Variants in DNAAF19 observed in about 807,000 individuals in gnomAD.
DNAAF19 encodes coiled-coil domain containing 103.
chr17:44,904,460 G>A, the DNAAF19 span: 1 of 1,544,356 alleles, frequency 6.5e-7, no homozygotes, highest in Admixed American at 2.0e-5. Flanking sequence ...CGTGCCCGAT[G>A]TGGTGTCTTG....
At chr17:44,903,131 T>C in the DNAAF19 span, 9 of 1,276,174 alleles carry the variant, frequency 7.1e-6, no homozygotes, top group Non-Finnish European at 8.9e-6. Flanking sequence ...AACCAAATGC[T>C]GGCTATACCA....
At chr17:44,903,489 T>A in the DNAAF19 span, 7 of 1,275,110 alleles carry the variant, frequency 5.5e-6, no homozygotes, top group Non-Finnish European at 6.9e-6. Context: ...GAGATCTCCC[T>A]GCCCGAGCAC....
the DNAAF19 span, chr17:44,903,159 T>G: frequency 7.9e-7 from 1 of 1,258,936 alleles, no homozygotes; most frequent in Non-Finnish European, 1.0e-6. Context: ...CCTCCACTCA[T>G]AAAAGGGAAA....
the DNAAF19 span, chr17:44,904,583 G>A: frequency 1.4e-5 from 22 of 1,550,584 alleles, no homozygotes; most frequent in Non-Finnish European, 6.1e-6. Flanking sequence ...CATCCGGGAG[G>A]GCGTGCTGGC....
chr17:44,901,459 T>G, the DNAAF19 span: 1 of 1,590,704 alleles, frequency 6.3e-7, no homozygotes, highest in Admixed American at 1.7e-5. Flanking sequence ...AAAGTCTAGC[T>G]GCCTCACACC....
the DNAAF19 span, chr17:44,902,321 A>C: frequency 6.2e-7 from 1 of 1,613,844 alleles, no homozygotes; most frequent in Non-Finnish European, 8.5e-7. Context: ...GTTGCAGAAC[A>C]GCTGGAAGAG....
the DNAAF19 span, chr17:44,905,000 G>C: frequency 6.4e-7 from 1 of 1,550,878 alleles, no homozygotes; most frequent in Admixed American, 2.0e-5. Context: ...CATCACAGCA[G>C]TCTTTGTCAC....
the DNAAF19 span, chr17:44,902,251 C>T: frequency 5.0e-6 from 7 of 1,410,986 alleles, no homozygotes; most frequent in Middle Eastern, 1.8e-4. Context: ...TCCCAGTGCT[C>T]AGACAGTAGT....
At chr17:44,904,457 G>T in the DNAAF19 span, 1 of 1,543,966 alleles carries the variant, frequency 6.5e-7, no homozygotes, top group South Asian at 1.2e-5. Context: ...GGCCGTGCCC[G>T]ATGTGGTGTC....
chr17:44,899,824 G>A, the DNAAF19 span: 14,449 of 152,588 alleles, frequency 0.095, 756 homozygotes, highest in Middle Eastern at 0.26. Context: ...GACTGCTGGG[G>A]TGAAGGTCCG....
At chr17:44,904,054 C>T in the DNAAF19 span, 4 of 1,550,686 alleles carry the variant, frequency 2.6e-6, no homozygotes, top group Admixed American at 7.8e-5. Flanking sequence ...GTAGCAGCCA[C>T]ACCAAAGTGC....
chr17:44,904,238 G>A, the DNAAF19 span: 1 of 1,550,440 alleles, frequency 6.4e-7, no homozygotes. Context: ...TTACGCCTAC[G>A]ATGTGGACAT....
At chr17:44,900,899 G>A in the DNAAF19 span, 1 of 1,283,384 alleles carries the variant, frequency 7.8e-7, no homozygotes, top group Non-Finnish European at 1.1e-6. Context: ...AGTGCTTTGG[G>A]GTCATTTTGT....
the DNAAF19 span, chr17:44,901,106 A>G: frequency 2.5e-6 from 4 of 1,607,746 alleles, no homozygotes; most frequent in African/African-American, 2.7e-5. Context: ...AGTTACGGGC[A>G]GTGGAACAGA....
the DNAAF19 span, chr17:44,901,669 C>A: frequency 6.2e-7 from 1 of 1,612,590 alleles, no homozygotes; most frequent in Non-Finnish European, 8.5e-7. Flanking sequence ...GAGGCCCTGC[C>A]CCTTTAGTCC....
At chr17:44,904,292 C>T in the DNAAF19 span, 1 of 1,548,794 alleles carries the variant, frequency 6.5e-7, no homozygotes, top group Non-Finnish European at 8.7e-7. Context: ...GGACAAGGGC[C>T]AGGAGCCCTT....
the DNAAF19 span, chr17:44,904,340 A>G: frequency 3.2e-5 from 49 of 1,541,832 alleles, no homozygotes; most frequent in Non-Finnish European, 4.2e-5. Context: ...TGTCTTCACC[A>G]CCTTCTGGGA....
chr17:44,904,849 G>A, the DNAAF19 span: 8 of 1,550,608 alleles, frequency 5.2e-6, no homozygotes, highest in Admixed American at 2.0e-5. Flanking sequence ...TGGATGACCG[G>A]GGCATCTACT....
At chr17:44,901,550 A>G in the DNAAF19 span, 3 of 1,614,132 alleles carry the variant, frequency 1.9e-6, no homozygotes, top group Non-Finnish European at 2.5e-6. Context: ...ATCTGAAGCC[A>G]CTGGAGCGGA....
Sources: allele counts gnomAD v4.1 joint callset, GRCh38; gene constraint gnomAD v4.1.1; transcripts MANE v1.5; gene names NCBI Gene and HGNC (gene_info 2026-07-23, HGNC 2026-07-21).